The following ATP13A4 variants were observed in gnomAD, a reference collection of about 807,000 sequenced individuals.
ATP13A4 encodes the protein ATPase 13A4, also known as probable cation-transporting ATPase 13A4.
Under a neutral mutation model 142.5 loss-of-function variants are expected in ATP13A4, and 114 were observed. The ratio of observed to expected loss-of-function variants is 0.80; its 90% CI spans 0.69 to 0.93. ATP13A4 has a LOEUF of 0.93. ATP13A4 is among the 40% of genes least tolerant of loss of function. The probability of loss-of-function intolerance (pLI) is 0.00; values close to 1 mark genes in which losing one functional copy is unlikely to be tolerated. For missense variants in ATP13A4, 1,392 were observed against 1,454.0 expected (o/e 0.96, Z 0.69); for synonymous variants, 488 against 514.8 (o/e 0.95, Z 0.70).
chr3:193,555,138 G>A, upstream of ATP13A4: 1 of 394,262 alleles, frequency 2.5e-6, no homozygotes, highest in Non-Finnish European at 4.8e-6. Flanking sequence ...GTGCCTGCCA[G>A]CCTCAGACTT....
At chr3:193,520,719 A>G (rs1356725875) in intron 1 of ATP13A4, among the ~76,000 whole-genome samples, 1 of 152,220 alleles carries the variant, frequency 6.6e-6, no homozygotes, top group East Asian at 1.9e-4. Flanking sequence ...AAAAATAAAA[A>G]ATAATAATCT....
intron 4 of ATP13A4, 39 bp from the exon 5 acceptor site, chr3:193,493,036 A>C (rs752737818): frequency 2.5e-6 from 4 of 1,603,580 alleles, no homozygotes; most frequent in Non-Finnish European, 3.4e-6. Context: ...TTTAGCAATA[A>C]TATTTTTGAG....
intron 27 of ATP13A4, among the ~76,000 whole-genome samples, 195 bp from the exon 28 acceptor site, chr3:193,411,265 A>C (rs1229819925): frequency 2.0e-5 from 3 of 152,186 alleles, no homozygotes; most frequent in Non-Finnish European, 4.4e-5. Flanking sequence ...GAAGCAAGTG[A>C]AAATTTTCAC....
rs10540639 is a variant in ATP13A4 at position 193,549,417 on chromosome 3, A to AAT, written c.60+5321_60+5322dup. 6.2e-3 allele frequency among the ~76,000 whole-genome samples: 923 copies of AAT among 147,862 alleles called. 12 individuals are homozygous for AAT. The highest frequency in any genetic ancestry group is 0.012 in the African/African-American group (487 of 40,130). On this transcript the variant is annotated intron_variant, in intron 1 of 29. Coordinates refer to ENST00000342695, the MANE Select transcript of ATP13A4 (RefSeq NM_032279.4). ...TGGTTATGTGACACTATAATTATCA[A>AAT]ATATATATATATATATAGAGAGAGA...
chr3:193,410,922 TTTAAAG>T lies in ATP13A4; in HGVS notation c.3297+54_3297+59del, dbSNP rs1295769668. The T allele has an allele frequency of 1.7e-4, 194 of 1,137,638 alleles. 1 individual carries two copies. The highest frequency in any genetic ancestry group is 2.4e-4 in the Non-Finnish European group (181 of 752,760). 70.5% of individuals were successfully genotyped at this position (1,137,638 alleles called of 1,614,324 possible). On this transcript the variant is annotated intron_variant, in intron 28 of 29. Coordinates refer to ENST00000342695, the MANE Select transcript of ATP13A4 (RefSeq NM_032279.4). ...TGTCAATTGAAATTGTGATCTGCTT[TTTAAAG>T]TTAAACTGTTACATAACTGTAAAGC...
chr3:193,428,693 A>T (rs1023957893), intron 25 of ATP13A4, among the ~76,000 whole-genome samples: 1 of 151,068 alleles, frequency 6.6e-6, no homozygotes, highest in Non-Finnish European at 1.5e-5. Context: ...TTGCAGGGAC[A>T]AAAAACCAAG....
intron 13 of ATP13A4, among the ~76,000 whole-genome samples, chr3:193,460,515 G>A (rs191058076): frequency 2.3e-4 from 35 of 152,180 alleles, no homozygotes; most frequent in Admixed American, 1.3e-3. Flanking sequence ...TATTGACCCT[G>A]TTAGTTATAC....
At chr3:193,464,702 A>T (rs1415692978) in intron 12 of ATP13A4, among the ~76,000 whole-genome samples, 2 of 152,086 alleles carry the variant, frequency 1.3e-5, no homozygotes, top group Non-Finnish European at 2.9e-5. Flanking sequence ...TTTTCATAGG[A>T]TATCAAAGCT....
At chr3:193,586,134 T>C (rs879317794) in intron 1 of ATP13A4, among the ~76,000 whole-genome samples, 1 of 151,940 alleles carries the variant, frequency 6.6e-6, no homozygotes, top group Non-Finnish European at 1.5e-5. Context: ...CACACACGCA[T>C]ATCGTCCTTT....
At chr3:193,470,493 A>G (rs1718554238) in intron 9 of ATP13A4, among the ~76,000 whole-genome samples, 1 of 152,236 alleles carries the variant, frequency 6.6e-6, no homozygotes, top group Non-Finnish European at 1.5e-5. Context: ...GTTTATTTAA[A>G]AACATGCTTT....
At chr3:193,556,509 G>GTA (rs201707271), upstream of ATP13A4, among the ~76,000 whole-genome samples, 17,329 of 151,310 alleles carry the variant, frequency 0.11, 1,247 homozygotes, top group Non-Finnish European at 0.16. Context: ...GTGTGTGTGT[G>GTA]TATATATATA....
upstream of ATP13A4, among the ~76,000 whole-genome samples, chr3:193,556,050 T>C (rs1723874696): frequency 6.6e-6 from 1 of 152,214 alleles, no homozygotes; most frequent in Non-Finnish European, 1.5e-5. Flanking sequence ...GCTAAGGGCA[T>C]ATACACTAAA....
At chr3:193,581,670 G>C (rs145068119) in intron 2 of ATP13A4, 5 of 152,242 alleles carry the variant, frequency 3.3e-5, no homozygotes, top group Non-Finnish European at 7.4e-5. Context: ...CCTCTCAAGA[G>C]AGTGTTAGGA....
chr3:193,588,454 C>G (rs1382285632), intron 1 of ATP13A4, among the ~76,000 whole-genome samples: 3 of 152,186 alleles, frequency 2.0e-5, no homozygotes, highest in Non-Finnish European at 4.4e-5. Context: ...ACCCCATTAT[C>G]TTTTGATTCC....
At chr3:193,449,046 T>G (rs1717120427) in intron 17 of ATP13A4, among the ~76,000 whole-genome samples, 1 of 152,226 alleles carries the variant, frequency 6.6e-6, no homozygotes, top group South Asian at 2.1e-4. Context: ...TAATCAATAT[T>G]ATTTTAGCCC....
At chr3:193,434,815 T>C (rs964385096) in intron 24 of ATP13A4, among the ~76,000 whole-genome samples, 1 of 151,870 alleles carries the variant, frequency 6.6e-6, no homozygotes, top group African/African-American at 2.4e-5. Flanking sequence ...TAAAAAAAAG[T>C]GATCACAAGA....
intron 28 of ATP13A4, among the ~76,000 whole-genome samples, chr3:193,410,563 TA>T (rs1323339340): frequency 1.3e-5 from 2 of 151,842 alleles, no homozygotes; most frequent in Non-Finnish European, 2.9e-5. Context: ...AATTTTTTTT[TA>T]AAAAATTAGC....
chr3:193,555,465 T>C (rs1447612248), upstream of ATP13A4, among the ~76,000 whole-genome samples: 2 of 152,234 alleles, frequency 1.3e-5, no homozygotes, highest in African/African-American at 4.8e-5. Flanking sequence ...AGTTTACTTT[T>C]TTGAAACACA....
intron 1 of ATP13A4, among the ~76,000 whole-genome samples, chr3:193,538,738 G>A (rs888943419): frequency 4.6e-5 from 7 of 151,856 alleles, no homozygotes; most frequent in Non-Finnish European, 7.4e-5. Context: ...AAATGAGCAG[G>A]AATCAACATT....
Sources: allele counts gnomAD v4.1 joint callset (sites outside exome capture counted in the v4.1 genomes callset), GRCh38; gene constraint gnomAD v4.1.1; transcripts MANE v1.5; gene names NCBI Gene and HGNC (gene_info 2026-07-23, HGNC 2026-07-21).